Variants in NRG2 observed in about 807,000 individuals in gnomAD.
NRG2 encodes neuregulin 2, also known as pro-neuregulin-2, membrane-bound isoform.
In NRG2, 27 loss-of-function variants were observed where a neutral mutation model predicts 73.9. The ratio of observed to expected loss-of-function variants is 0.37; its 90% CI spans 0.27 to 0.50. The LOEUF (loss-of-function observed/expected upper bound fraction) is 0.50. Among genes scored for constraint, NRG2 ranks in the 20% least tolerant of loss-of-function variants. NRG2 has a pLI of 0.96. For missense variants in NRG2, 1,126 were observed against 1,210.1 expected (o/e 0.93, Z 1.03); for synonymous variants, 532 against 541.0 (o/e 0.98, Z 0.23).
chr5:140,041,232 C>T (rs1182522668), intron 1 of NRG2, among the ~76,000 whole-genome samples: 1 of 152,156 alleles, frequency 6.6e-6, no homozygotes, highest in Admixed American at 6.5e-5. Flanking sequence ...CATAATTCAG[C>T]GATTACACAG....
chr5:139,975,094 C>T (rs1756285278), intron 1 of NRG2, among the ~76,000 whole-genome samples: 2 of 152,178 alleles, frequency 1.3e-5, no homozygotes, highest in Non-Finnish European at 2.9e-5. Flanking sequence ...TACATGTGCA[C>T]GAATGTGCAG....
intron 1 of NRG2, among the ~76,000 whole-genome samples, chr5:140,029,946 T>C (rs1291506563): frequency 6.6e-6 from 1 of 152,066 alleles, no homozygotes; most frequent in Admixed American, 6.5e-5. Context: ...ACAAACCAGC[T>C]TCAAATTTTA....
Position 139,967,988 on chromosome 5 carries a change from A to AATAC in NRG2, c.700+74381_700+74382insGTAT, listed in dbSNP as rs1448491868. ...AATAAAACATAAAAATAAATAAATA[A>AATAC]ATAAATAAATAAATAAATAAATAAA... On this transcript the variant is annotated intron_variant, in intron 1 of 9. Coordinates refer to ENST00000361474, the MANE Select transcript of NRG2 (RefSeq NM_004883.3). 4.7e-4 allele frequency among the ~76,000 whole-genome samples: 71 copies of AATAC among 150,582 alleles called. No individual in the cohort carries two copies. In the East Asian group the frequency reaches 0.011, roughly 23 times the overall value.
intron 1 of NRG2, among the ~76,000 whole-genome samples, chr5:139,956,992 A>G (rs921633799): frequency 3.3e-5 from 5 of 152,212 alleles, no homozygotes; most frequent in African/African-American, 9.6e-5. Context: ...GGCAGGGCTC[A>G]TCAGCACTTT....
intron 1 of NRG2, among the ~76,000 whole-genome samples, chr5:140,028,865 T>C (rs1175327442): frequency 1.3e-5 from 2 of 152,006 alleles, no homozygotes; most frequent in Non-Finnish European, 2.9e-5. Context: ...TAAGAGACAA[T>C]AGAGCTTTTA....
At position 139,851,886 on chromosome 5, in the gene NRG2, G is replaced by A; in HGVS notation, c.1545-55C>T. On this transcript the variant is annotated intron_variant, in intron 8 of 9. Transcript: ENST00000361474. The surrounding 1 kb of genome is among the most constrained non-coding windows in gnomAD (Gnocchi z 4.2). Reference sequence around the variant, plus strand: ...GGTCAGGAAGGGGCAGGGCGGCCCAGCAGGTGTGGTCCCATGGACCTCCCT... The same window carrying A: ...GGTCAGGAAGGGGCAGGGCGGCCCAACAGGTGTGGTCCCATGGACCTCCCT... 2.0e-6 allele frequency: 3 copies of A among 1,521,880 alleles called. No homozygotes were observed. Among genetic ancestry groups the A allele is most frequent in the East Asian group, 2.3e-5 (1 of 43,260 alleles). 94.3% of individuals were successfully genotyped at this position (1,521,880 alleles called of 1,614,324 possible). A position where few individuals can be genotyped will look rare whatever the true frequency, so the allele number is the denominator to read the frequency against.
chr5:139,881,202 G>A (rs1763509020), intron 2 of NRG2, among the ~76,000 whole-genome samples: 1 of 152,168 alleles, frequency 6.6e-6, no homozygotes, highest in Non-Finnish European at 1.5e-5. Flanking sequence ...AGGACTAGTG[G>A]CTGCTCACAT....
At chr5:139,902,480 C>T (rs886141990) in intron 1 of NRG2, among the ~76,000 whole-genome samples, 1 of 152,180 alleles carries the variant, frequency 6.6e-6, no homozygotes, top group African/African-American at 2.4e-5. Context: ...TCTCTCTCCC[C>T]TCCTTTCTCC....
At chr5:139,931,891 C>T (rs1049871309) in intron 1 of NRG2, among the ~76,000 whole-genome samples, 1 of 152,200 alleles carries the variant, frequency 6.6e-6, no homozygotes, top group South Asian at 2.1e-4. Context: ...CGAGCTATCA[C>T]TTCACATTTG....
rs1561624603 is a variant in NRG2 at position 139,853,140 on chromosome 5, C to T, written c.1293-113G>A. 7.0e-7 allele frequency: 1 copy of T among 1,437,912 alleles called. No individual in the cohort carries two copies. Among genetic ancestry groups the T allele is most frequent in the Non-Finnish European group, 9.5e-7 (1 of 1,049,662 alleles). The allele number at this position is 1,437,912 out of a possible 1,614,324, so 89.1% of individuals were successfully genotyped here. A position where few individuals can be genotyped will look rare whatever the true frequency, so the allele number is the denominator to read the frequency against. Reference sequence around the variant, plus strand: ...TTCCTCCTGCCCAGGGTGGCCATGGCTACTGCTCGTCCCTGTACTCAAGCT... The same window carrying T: ...TTCCTCCTGCCCAGGGTGGCCATGGTTACTGCTCGTCCCTGTACTCAAGCT... On this transcript the variant is annotated intron_variant, in intron 6 of 9. Coordinates refer to ENST00000361474, the MANE Select transcript of NRG2 (RefSeq NM_004883.3). The surrounding 1 kb of genome is among the most constrained non-coding windows in gnomAD (Gnocchi z 4.1).
intron 1 of NRG2, among the ~76,000 whole-genome samples, chr5:139,946,603 G>GA (rs138402475): frequency 0.017 from 2,641 of 152,012 alleles, 97 homozygotes; most frequent in African/African-American, 0.061. Context: ...AACAAGAAAA[G>GA]AAAAAATAGA....
intron 1 of NRG2, among the ~76,000 whole-genome samples, chr5:139,900,117 C>T: frequency 6.6e-6 from 1 of 152,122 alleles, no homozygotes; most frequent in East Asian, 1.9e-4. Context: ...ATTCACCATC[C>T]AGGCTCAGCT....
chr5:139,986,884 C>T (rs192879819), intron 1 of NRG2, among the ~76,000 whole-genome samples: 115 of 152,146 alleles, frequency 7.6e-4, no homozygotes, highest in Non-Finnish European at 1.2e-3. Context: ...ACATAAACTT[C>T]GGTAATTAAT....
At chr5:139,922,058 G>A (rs1439026064) in intron 1 of NRG2, among the ~76,000 whole-genome samples, 12 of 136,354 alleles carry the variant, frequency 8.8e-5, no homozygotes, top group Admixed American at 7.7e-4. Flanking sequence ...GTGACAGAGC[G>A]AGATTCTGTC....
At chr5:139,882,491 T>C (rs1252332314) in intron 2 of NRG2, among the ~76,000 whole-genome samples, 1 of 152,232 alleles carries the variant, frequency 6.6e-6, no homozygotes, top group Non-Finnish European at 1.5e-5. Context: ...CTCTGTCTCC[T>C]TGGCCTGGTG....
At position 139,915,108 on chromosome 5, in the gene NRG2, A is replaced by G. The variant is rs1229994809; in HGVS notation, c.701-27597T>C. 1.3e-5 allele frequency among the ~76,000 whole-genome samples: 2 copies of G among 152,234 alleles called. No individual in the cohort carries two copies. The highest frequency in any genetic ancestry group is 4.8e-5 in the African/African-American group (2 of 41,448). On this transcript the variant is annotated intron_variant, in intron 1 of 9. Transcript: ENST00000361474. This position sits in a 1 kb window ranked among gnomAD's most constrained non-coding sequence, Gnocchi z 4.0. ...GGGCTGTGGGAGAAAAGACCAAATT[A>G]TAATTAATGGTTTGTTTCCCATTAA...
chr5:140,034,919 A>G (rs1761396042), intron 1 of NRG2, among the ~76,000 whole-genome samples: 1 of 152,184 alleles, frequency 6.6e-6, no homozygotes. Context: ...AGCATTCAAG[A>G]CTGATTAAAA....
At chr5:139,860,852 C>T (rs1162942372) in intron 5 of NRG2, among the ~76,000 whole-genome samples, 2 of 152,154 alleles carry the variant, frequency 1.3e-5, no homozygotes, top group African/African-American at 2.4e-5. Context: ...CTGAGTGATT[C>T]CAATCTAGTT....
chr5:139,853,045 A>G lies in NRG2; in HGVS notation c.1293-18T>C. ...GCTGTTTTCTGCACAAGGGAAGGGA[A>G]GGTGAGGCTGGCATTCCCCCCACTC... is the stretch of plus-strand genomic sequence containing the variant. On this transcript the variant is annotated intron_variant, in intron 6 of 9. Transcript: ENST00000361474. This position sits in a 1 kb window ranked among gnomAD's most constrained non-coding sequence, Gnocchi z 4.1. 6.2e-7 allele frequency: 1 copy of G among 1,612,804 alleles called. No individual in the cohort carries two copies. Among genetic ancestry groups the G allele is most frequent in the Non-Finnish European group, 8.5e-7 (1 of 1,179,466 alleles).
Sources: allele counts gnomAD v4.1 joint callset (sites outside exome capture counted in the v4.1 genomes callset), GRCh38; gene constraint gnomAD v4.1.1; non-coding constraint Gnocchi (gnomAD v3.1); transcripts MANE v1.5; gene names NCBI Gene and HGNC (gene_info 2026-07-23, HGNC 2026-07-21).